The following COX17 variants were observed in gnomAD, a reference collection of about 807,000 sequenced individuals.
COX17 encodes the protein cytochrome c oxidase copper chaperone.
In COX17, 1 loss-of-function variant was observed where a neutral mutation model predicts 6.3. The observed-to-expected ratio is 0.16, with a 90% CI of 0.06 to 0.75. The LOEUF is 0.75. Ranked by LOEUF, COX17 falls within the 30% of genes least tolerant of loss-of-function variation. The pLI is 0.77. For missense variants in COX17, 73 were observed against 81.2 expected (o/e 0.90, Z 0.39); for synonymous variants, 26 against 30.5 (o/e 0.85, Z 0.49).
chr3:119,676,525 A>T (rs2053101703), intron 1 of COX17, among the ~76,000 whole-genome samples: 1 of 152,216 alleles, frequency 6.6e-6, no homozygotes, highest in African/African-American at 2.4e-5. Flanking sequence ...GACAATCTAG[A>T]TGAACTATTC....
At chr3:119,668,635 A>G (rs1349831118), downstream of COX17, among the ~76,000 whole-genome samples, 1 of 151,624 alleles carries the variant, frequency 6.6e-6, no homozygotes, top group East Asian at 1.9e-4. Context: ...TAAGTCTGTC[A>G]TACATCAAAG....
downstream of COX17, among the ~76,000 whole-genome samples, chr3:119,667,687 G>A (rs1246311629): frequency 2.4e-5 from 2 of 81,656 alleles, no homozygotes; most frequent in African/African-American, 8.7e-5. Context: ...AGTAAAAGGT[G>A]TACACACACA....
chr3:119,676,593 A>G (rs1442039211), intron 1 of COX17: 5 of 382,638 alleles, frequency 1.3e-5, no homozygotes, highest in Non-Finnish European at 2.4e-5. Context: ...GGTTGTCTTA[A>G]AAGGGTTGAA....
At chr3:119,666,687 C>T (rs982903651), downstream of COX17, among the ~76,000 whole-genome samples, 1 of 152,146 alleles carries the variant, frequency 6.6e-6, no homozygotes, top group South Asian at 2.1e-4. Context: ...TGTCTTACTA[C>T]TCTTTACTAC....
At chr3:119,672,811 TTGA>T (rs1336432067) in intron 2 of COX17, among the ~76,000 whole-genome samples, 3 of 152,224 alleles carry the variant, frequency 2.0e-5, no homozygotes, top group African/African-American at 7.2e-5. Context: ...GAGTAATGTC[TTGA>T]TGAAGCTAAA....
At chr3:119,666,742 A>G (rs1559733912), downstream of COX17, among the ~76,000 whole-genome samples, 4 of 152,230 alleles carry the variant, frequency 2.6e-5, no homozygotes, top group Non-Finnish European at 2.9e-5. Flanking sequence ...GTGATGAATC[A>G]AATAGCCTCT....
At chr3:119,672,864 A>T (rs2053058835) in intron 2 of COX17, among the ~76,000 whole-genome samples, 1 of 152,252 alleles carries the variant, frequency 6.6e-6, no homozygotes, top group Non-Finnish European at 1.5e-5. Flanking sequence ...AAACATCAGG[A>T]GAATAAAAAC....
At chr3:119,665,281 G>A (rs780646681), downstream of COX17, 1 of 152,198 alleles carries the variant, frequency 6.6e-6, no homozygotes, top group South Asian at 2.1e-4. Context: ...GTTGCGTGAC[G>A]ATGTAATGCT....
intron 2 of COX17, among the ~76,000 whole-genome samples, chr3:119,671,833 T>A (rs1161852465): frequency 1.3e-5 from 2 of 152,214 alleles, no homozygotes; most frequent in Non-Finnish European, 2.9e-5. Flanking sequence ...TGAGCAAGTC[T>A]TTTTTGACTT....
intron 1 of COX17, 89 bp from the exon 2 acceptor site, chr3:119,675,322 G>A (rs576821136): frequency 4.4e-4 from 371 of 843,152 alleles, no homozygotes; most frequent in Middle Eastern, 3.0e-3. Context: ...GACAAAACAC[G>A]GGTATAATGG....
At chr3:119,675,069 T>G in intron 2 of COX17, 76 bp downstream of exon 2, 1 of 1,031,484 alleles carries the variant, frequency 9.7e-7, no homozygotes, top group Admixed American at 1.9e-5. Flanking sequence ...CCAGGTGAAC[T>G]ACCTTTCAGA....
downstream of COX17, among the ~76,000 whole-genome samples, chr3:119,668,530 G>A (rs1270511042): frequency 1.3e-5 from 2 of 150,662 alleles, 1 homozygote; most frequent in South Asian, 4.2e-4. Context: ...CGTAAGTTAG[G>A]TATTACTTCT....
downstream of COX17, among the ~76,000 whole-genome samples, chr3:119,668,235 C>T (rs567107044): frequency 2.0e-5 from 3 of 152,116 alleles, no homozygotes; most frequent in South Asian, 6.2e-4. Context: ...ATAAGGTTAT[C>T]GATTTTTTTG....
downstream of COX17, among the ~76,000 whole-genome samples, chr3:119,665,945 A>T (rs973735333): frequency 6.6e-6 from 1 of 152,264 alleles, no homozygotes; most frequent in Non-Finnish European, 1.5e-5. Flanking sequence ...TTCTTTCTAA[A>T]GTTTGAGCAA....
chr3:119,666,579 T>A (rs557617511), downstream of COX17, among the ~76,000 whole-genome samples: 10 of 152,358 alleles, frequency 6.6e-5, no homozygotes, highest in South Asian at 1.9e-3. Context: ...GGAAAGCATC[T>A]TGGAATATCC....
chr3:119,677,103 G>T, intron 1 of COX17, 101 bp downstream of exon 1: 1 of 869,896 alleles, frequency 1.1e-6, no homozygotes, highest in South Asian at 1.4e-5. Context: ...AGAGGGCAGA[G>T]GGCAGAAGGC....
chr3:119,665,049 G>A (rs2052981657), downstream of COX17, among the ~76,000 whole-genome samples: 2 of 152,250 alleles, frequency 1.3e-5, no homozygotes, highest in East Asian at 3.9e-4. Context: ...ATCTAATTTT[G>A]CTTGGGTAAT....
In COX17 at chr3:119,677,224, G is replaced by C. The variant is rs1338665709; in HGVS notation, c.87C>G (p.Thr29=). The C allele has an allele frequency of 6.2e-7, 1 of 1,611,520 alleles. No homozygotes were observed. Among genetic ancestry groups the C allele is most frequent in the East Asian group, 2.2e-5 (1 of 44,860 alleles). ...CTGACCACGCATCGCGCGCCTTCTT[G>C]GTCTCCGGGCAAGCGCAGCAGGGCT... The part of the protein sequence containing the change: ...PLKPCCACPE[T]KKARDACIIE... The change falls in exon 1 of 3, where the codon ACC becomes ACG. Residue 29 remains threonine (T), a synonymous_variant. Coordinates refer to ENST00000261070, the MANE Select transcript of COX17 (RefSeq NM_005694.2).
At chr3:119,673,644 G>A (rs977003774) in intron 2 of COX17, among the ~76,000 whole-genome samples, 9 of 152,174 alleles carry the variant, frequency 5.9e-5, no homozygotes, top group African/African-American at 2.2e-4. Flanking sequence ...ATGGGGTGTT[G>A]AGGGAAAGCC....
Sources: allele counts gnomAD v4.1 joint callset (sites outside exome capture counted in the v4.1 genomes callset), GRCh38; gene constraint gnomAD v4.1.1; transcripts MANE v1.5; gene names NCBI Gene and HGNC (gene_info 2026-07-23, HGNC 2026-07-21).